USP32: variants seen among roughly 807,000 people sequenced by gnomAD.
USP32 encodes the protein ubiquitin carboxyl-terminal hydrolase 32.
USP32 carries 59 observed loss-of-function variants against 204.8 expected under a neutral mutation model. The ratio of observed to expected loss-of-function variants is 0.29; its 90% CI spans 0.23 to 0.36. The LOEUF (loss-of-function observed/expected upper bound fraction) is 0.36, where lower values mean the gene tolerates loss of function less well. USP32 is among the 10% of genes least tolerant of loss of function. The pLI is 1.00. For synonymous variants in USP32, 517 were observed against 678.4 expected, an observed-to-expected ratio of 0.76 and a Z score of 3.70; for missense variants, 1,160 against 1,946.4, an observed-to-expected ratio of 0.60 and a Z score of 7.60.
intron 5 of USP32, among the ~76,000 whole-genome samples, chr17:60,284,734 A>AAGCCT (rs10689215): frequency 0.067 from 10,179 of 152,190 alleles, 1,187 homozygotes; most frequent in African/African-American, 0.23. Context: ...TCAACTGACA[A>AAGCCT]AGCTCCTTGA....
rs756123947 is a variant in USP32 at position 60,185,604 on chromosome 17, G to A, written c.3690C>T (p.Ala1230=). The A allele has an allele frequency of 4.5e-5, 73 of 1,611,800 alleles. 1 individual carries two copies. The South Asian group carries it at 4.8e-4, about 11-fold the overall frequency. ...ESVEQSRRAQ[A]EPINLDSCLR... is the part of the protein sequence containing the mutation. ...GACAGCTGTCCAGGTTGATGGGCTC[G>A]GCTTGCGCTCGCCGACTCTGCTCCA... Residue 1230 remains alanine, a synonymous_variant, in exon 30 of 34, where the codon GCC becomes GCT. Coordinates refer to ENST00000300896, the MANE Select transcript of USP32 (RefSeq NM_032582.4).
At chr17:60,210,503 C>T (rs968802102) in intron 21 of USP32, among the ~76,000 whole-genome samples, 2 of 152,130 alleles carry the variant, frequency 1.3e-5, no homozygotes, top group African/African-American at 4.8e-5. Flanking sequence ...GACAGGGTTT[C>T]GCCATCTTGT....
chr17:60,315,758 C>T (rs922695083), intron 2 of USP32: 2 of 152,266 alleles, frequency 1.3e-5, no homozygotes, highest in African/African-American at 2.4e-5. Context: ...GCAGCCATTA[C>T]AGCTCTCTAG....
intron 16 of USP32, among the ~76,000 whole-genome samples, chr17:60,217,276 C>G (rs2085127404): frequency 6.6e-6 from 1 of 151,988 alleles, no homozygotes; most frequent in African/African-American, 2.4e-5. Context: ...AACAACACAT[C>G]TTGCCTCTCA....
At chr17:60,418,627 A>G (rs575106636) in intron 1 of USP32, among the ~76,000 whole-genome samples, 25 of 152,266 alleles carry the variant, frequency 1.6e-4, no homozygotes, top group African/African-American at 5.8e-4. Flanking sequence ...ACAAAGGTCT[A>G]ATATCCAGCA....
Position 60,252,382 on chromosome 17 carries a change from T to C in USP32, c.1135A>G (p.Arg379Gly). 1.9e-6 allele frequency: 3 copies of C among 1,607,456 alleles called. No individual in the cohort carries two copies. The highest frequency in any genetic ancestry group is 2.5e-6 in the Non-Finnish European group (3 of 1,176,714). ...ATPEEEGQII[R>G]GWLERESRYG... Reference sequence around the variant, plus strand: ...ATATAATTGAAACTACAAATTTACCTAATAATTTGTCCTTCTTCTTCCGGA... The same window carrying C: ...ATATAATTGAAACTACAAATTTACCCAATAATTTGTCCTTCTTCTTCCGGA... Residue 379 changes from arginine (R) to glycine (G), a missense_variant and splice_region_variant, in exon 11 of 34, where the codon AGA becomes GGA. Physicochemically the swap from Arg to Gly is moderately radical, Grantham distance 125 (BLOSUM62 -2). Transcript: ENST00000300896.
Position 60,295,188 on chromosome 17 carries a change from C to T in USP32, c.293-387G>A, listed in dbSNP as rs565391159. Among the ~76,000 whole-genome samples, 11 of 150,684 alleles carry T rather than the reference C, an allele frequency of 7.3e-5. No individual in the cohort carries two copies. In the South Asian group the frequency reaches 1.9e-3, roughly 26 times the overall value. ...CATCTTTGAAAAACTCTGAAACCTG[C>T]GTACAAAATACAAGATGTTCACTGA... On this transcript the variant is annotated intron_variant, in intron 3 of 33. Transcript: ENST00000300896.
chr17:60,378,494 C>T (rs1193852372), intron 1 of USP32, among the ~76,000 whole-genome samples: 1 of 152,106 alleles, frequency 6.6e-6, no homozygotes, highest in African/African-American at 2.4e-5. Context: ...TATTTGTACA[C>T]CAATGTTCAC....
chr17:60,218,041 T>C (rs964420456), intron 16 of USP32, among the ~76,000 whole-genome samples: 1 of 152,186 alleles, frequency 6.6e-6, no homozygotes, highest in Non-Finnish European at 1.5e-5. Flanking sequence ...CCAGCCTCAC[T>C]GTTCTTTGAT....
chr17:60,393,635 A>C (rs2089873926), upstream of USP32, among the ~76,000 whole-genome samples: 1 of 152,142 alleles, frequency 6.6e-6, no homozygotes, highest in Admixed American at 6.5e-5. Flanking sequence ...TCCTAAAACC[A>C]ACAGATTCTA....
chr17:60,241,434 A>AT (rs576436207), intron 11 of USP32, among the ~76,000 whole-genome samples: 25 of 138,852 alleles, frequency 1.8e-4, no homozygotes, highest in East Asian at 5.8e-4. Flanking sequence ...AAAAATTATT[A>AT]TTTTTTTTAT....
intron 5 of USP32, among the ~76,000 whole-genome samples, chr17:60,283,411 T>C (rs1328817366): frequency 6.6e-6 from 1 of 152,228 alleles, no homozygotes; most frequent in African/African-American, 2.4e-5. Flanking sequence ...AAATTTAATG[T>C]CAATTTAATG....
At chr17:60,259,937 G>T (rs766775037) in intron 9 of USP32, among the ~76,000 whole-genome samples, 2 of 152,146 alleles carry the variant, frequency 1.3e-5, no homozygotes, top group Non-Finnish European at 2.9e-5. Flanking sequence ...TATGCTGTAG[G>T]AACTTAACTC....
intron 5 of USP32, among the ~76,000 whole-genome samples, chr17:60,282,149 G>A (rs11652788): frequency 0.063 from 9,595 of 152,188 alleles, 432 homozygotes; most frequent in Non-Finnish European, 0.093. Flanking sequence ...AAATCAATGC[G>A]CACATTGTAA....
intron 2 of USP32, among the ~76,000 whole-genome samples, chr17:60,306,086 GA>G (rs111858139): frequency 2.7e-5 from 4 of 147,784 alleles, no homozygotes; most frequent in Non-Finnish European, 6.0e-5. Context: ...CACTCAAAAA[GA>G]AAAAAAAAGG....
At chr17:60,304,627 C>T (rs989267319) in intron 2 of USP32, among the ~76,000 whole-genome samples, 14 of 152,056 alleles carry the variant, frequency 9.2e-5, no homozygotes, top group Middle Eastern at 3.4e-3. Context: ...AAGTAAAACA[C>T]GTAACAATAG....
intron 9 of USP32, among the ~76,000 whole-genome samples, chr17:60,259,983 C>A (rs961254386): frequency 6.6e-6 from 1 of 152,102 alleles, no homozygotes; most frequent in Non-Finnish European, 1.5e-5. Flanking sequence ...TTGTTCTATA[C>A]CCTTTCACTT....
chr17:60,223,503 G>A lies in USP32; in HGVS notation c.1516C>T (p.Leu506=). The A allele has an allele frequency of 1.2e-6, 2 of 1,613,774 alleles. No individual in the cohort carries two copies. The highest frequency in any genetic ancestry group is 1.1e-5 in the South Asian group (1 of 91,006). ...NTSDNNNQCL[L]GANGNILLHL... is the part of the protein sequence containing the mutation. ...AACAAAATATTCCCATTGGCTCCCA[G>A]CAAACACTGGTTGTTATTGTCAGAA... is the stretch of plus-strand genomic sequence containing the variant. The change falls in exon 14 of 34, where the codon CTG becomes TTG. Residue 506 remains leucine (L), a synonymous_variant. Coordinates refer to ENST00000300896, the MANE Select transcript of USP32 (RefSeq NM_032582.4).
intron 1 of USP32, among the ~76,000 whole-genome samples, chr17:60,368,409 G>C (rs1163869941): frequency 6.6e-6 from 1 of 151,992 alleles, no homozygotes; most frequent in Non-Finnish European, 1.5e-5. Flanking sequence ...GTTATAGTTA[G>C]TAAGAAATCC....
Sources: gnomAD v4.1 joint callset for allele counts (sites outside exome capture counted in the v4.1 genomes callset) on GRCh38, gnomAD v4.1.1 for gene constraint, MANE v1.5 for transcripts, NCBI Gene and HGNC (gene_info 2026-07-23, HGNC 2026-07-21) for gene names.